Variants in GALNTL6 observed in about 807,000 individuals in gnomAD.
GALNTL6 encodes the protein polypeptide N-acetylgalactosaminyltransferase like 6.
Under a neutral mutation model 73.7 loss-of-function variants are expected in GALNTL6, and 46 were observed. The observed-to-expected ratio is 0.62, with a 90% CI of 0.49 to 0.80. The LOEUF (loss-of-function observed/expected upper bound fraction) is 0.80. GALNTL6 is among the 30% of genes least tolerant of loss of function. The pLI is 0.00. For synonymous variants in GALNTL6, 259 were observed against 263.7 expected, an observed-to-expected ratio of 0.98 and a Z score of 0.17; for missense variants, 604 against 755.0, an observed-to-expected ratio of 0.80 and a Z score of 2.34.
intron 3 of GALNTL6, among the ~76,000 whole-genome samples, chr4:172,309,332 ATT>A (rs1323833000): frequency 3.9e-5 from 6 of 152,138 alleles, no homozygotes; most frequent in Non-Finnish European, 8.8e-5. Context: ...AAAATCTTGA[ATT>A]CTAGTAATAC....
At chr4:172,621,094 A>G (rs1347547024) in intron 5 of GALNTL6, among the ~76,000 whole-genome samples, 1 of 152,246 alleles carries the variant, frequency 6.6e-6, no homozygotes, top group African/African-American at 2.4e-5. Flanking sequence ...ATAAAATATC[A>G]TTATGAAGGC....
intron 2 of GALNTL6, among the ~76,000 whole-genome samples, chr4:172,177,982 A>G (rs1017077824): frequency 1.3e-5 from 2 of 151,882 alleles, no homozygotes; most frequent in African/African-American, 2.4e-5. Context: ...AATGATATCA[A>G]TGACTACATT....
rs567901811 is a variant in GALNTL6 at position 171,988,956 on chromosome 4, CT to C, written c.138+174239del. 6.3e-4 allele frequency among the ~76,000 whole-genome samples: 95 copies of C among 151,640 alleles called. 2 individuals carry two copies. The South Asian group carries it at 0.014, about 22-fold the overall frequency. On this transcript the variant is annotated intron_variant, in intron 2 of 12. Coordinates refer to ENST00000506823, the MANE Select transcript of GALNTL6 (RefSeq NM_001034845.3). Reference sequence around the variant, plus strand: ...GGTGGCAATGAGGTGTGGCTGTAGCCTAGGAATAGTCAGGGAAGCAGATAAT... The same window carrying C: ...GGTGGCAATGAGGTGTGGCTGTAGCCAGGAATAGTCAGGGAAGCAGATAAT...
At chr4:172,736,540 A>G (rs1736472862) in intron 5 of GALNTL6, among the ~76,000 whole-genome samples, 2 of 152,198 alleles carry the variant, frequency 1.3e-5, no homozygotes, top group Middle Eastern at 3.2e-3. Context: ...AGATAACGCA[A>G]TCATCACAGG....
intron 5 of GALNTL6, among the ~76,000 whole-genome samples, chr4:172,640,295 T>C (rs763522056): frequency 2.0e-5 from 3 of 152,118 alleles, no homozygotes; most frequent in Non-Finnish European, 2.9e-5. Flanking sequence ...ACATTCTGTG[T>C]GTTTCTTCTG....
intron 5 of GALNTL6, among the ~76,000 whole-genome samples, chr4:172,684,028 T>A (rs975711927): frequency 4.6e-5 from 7 of 152,208 alleles, no homozygotes; most frequent in South Asian, 2.1e-4. Flanking sequence ...TATCTAACCA[T>A]AGATGCATCT....
At chr4:172,301,341 A>G (rs544232176) in intron 3 of GALNTL6, among the ~76,000 whole-genome samples, 1 of 152,004 alleles carries the variant, frequency 6.6e-6, no homozygotes, top group Non-Finnish European at 1.5e-5. Context: ...GAGTAGTTTG[A>G]TCGTCTGAAG....
At chr4:172,928,796 G>A (rs1383325671) in intron 8 of GALNTL6, among the ~76,000 whole-genome samples, 1 of 152,138 alleles carries the variant, frequency 6.6e-6, no homozygotes, top group Non-Finnish European at 1.5e-5. Flanking sequence ...CTAAGACAGA[G>A]TTCACATCAC....
intron 5 of GALNTL6, among the ~76,000 whole-genome samples, chr4:172,583,893 CAAAAAAAAAAAAA>C (rs57722016): frequency 3.8e-4 from 12 of 31,620 alleles, no homozygotes; most frequent in African/African-American, 1.0e-3. Context: ...GACTCTGTCT[CAAAAAAAAAAAAA>C]AAAAAAAAAA....
In GALNTL6 at chr4:172,289,682, C is replaced by G. The variant is rs1452067195; in HGVS notation, c.248-21932C>G. 2.0e-5 allele frequency among the ~76,000 whole-genome samples: 3 copies of G among 152,114 alleles called. No homozygotes were observed. In the East Asian group the frequency reaches 5.8e-4, roughly 29 times the overall value. ...TGGCAAGGGTCACTCTCAAAATATC[C>G]ACTGCAACAAAGCCCATCTATTTGA... On this transcript the variant is annotated intron_variant, in intron 3 of 12. Coordinates refer to ENST00000506823, the MANE Select transcript of GALNTL6 (RefSeq NM_001034845.3).
chr4:172,869,138 G>C (rs73870305), intron 7 of GALNTL6, among the ~76,000 whole-genome samples: 330 of 152,250 alleles, frequency 2.2e-3, no homozygotes, highest in African/African-American at 7.4e-3. Context: ...AAAGCAGAAA[G>C]TGTGGGTGGA....
chr4:172,432,935 A>G (rs1006498049), intron 5 of GALNTL6, among the ~76,000 whole-genome samples: 81 of 152,312 alleles, frequency 5.3e-4, no homozygotes, highest in African/African-American at 1.9e-3. Flanking sequence ...TCTCTAATTG[A>G]TCAAGCCAAG....
chr4:172,170,646 G>A (rs1053220832), intron 2 of GALNTL6, among the ~76,000 whole-genome samples: 1 of 151,530 alleles, frequency 6.6e-6, no homozygotes, highest in Non-Finnish European at 1.5e-5. Context: ...CAGAATAGCT[G>A]GGACTACCGG....
intron 12 of GALNTL6, 57 bp from the exon 13 acceptor site, chr4:173,039,876 T>C (rs530505171): frequency 7.5e-7 from 1 of 1,340,036 alleles, no homozygotes; most frequent in South Asian, 1.3e-5. Flanking sequence ...ATATTTTGGG[T>C]TGTAACCATT....
intron 5 of GALNTL6, among the ~76,000 whole-genome samples, chr4:172,657,219 T>C (rs1244444056): frequency 6.6e-6 from 1 of 152,180 alleles, no homozygotes; most frequent in East Asian, 1.9e-4. Context: ...CACACAAAAC[T>C]TACTGTCCGG....
At chr4:172,112,972 GCCAC>G (rs1456626051) in intron 2 of GALNTL6, among the ~76,000 whole-genome samples, 1 of 151,686 alleles carries the variant, frequency 6.6e-6, no homozygotes, top group African/African-American at 2.4e-5. Flanking sequence ...TTGTTTATAA[GCCAC>G]CCAGTCTGTG....
intron 2 of GALNTL6, among the ~76,000 whole-genome samples, chr4:171,891,229 C>T (rs1262880489): frequency 2.0e-5 from 3 of 152,118 alleles, no homozygotes. Context: ...ATGTTTTTCT[C>T]TAAGACCAAA....
chr4:172,666,382 G>T (rs1731666367), intron 5 of GALNTL6, among the ~76,000 whole-genome samples: 1 of 152,132 alleles, frequency 6.6e-6, no homozygotes, highest in Non-Finnish European at 1.5e-5. Context: ...TTAAAAACTG[G>T]GGAAGATAAA....
chr4:172,240,756 A>G (rs1455182258), intron 3 of GALNTL6, among the ~76,000 whole-genome samples: 1 of 152,108 alleles, frequency 6.6e-6, no homozygotes, highest in African/African-American at 2.4e-5. Context: ...TTTTATTGTC[A>G]TCCTTAGATT....
Sources: allele counts gnomAD v4.1 joint callset (sites outside exome capture counted in the v4.1 genomes callset), GRCh38; gene constraint gnomAD v4.1.1; transcripts MANE v1.5; gene names NCBI Gene and HGNC (gene_info 2026-07-23, HGNC 2026-07-21).